Variants in CHKA observed in about 807,000 individuals in gnomAD.
The protein encoded by CHKA is CHETK-alpha.
A neutral mutation model predicts 60.1 loss-of-function variants in CHKA; 34 were observed. The observed-to-expected ratio is 0.57, with a 90% CI of 0.43 to 0.75. CHKA has a LOEUF of 0.75. CHKA is among the 30% of genes least tolerant of loss of function. The pLI is 0.00. For missense variants in CHKA, 563 were observed against 561.3 expected (o/e 1.00, Z -0.03); for synonymous variants, 217 against 223.1 (o/e 0.97, Z 0.24).
intron 11 of CHKA, among the ~76,000 whole-genome samples, chr11:68,058,398 G>A (rs181782258): frequency 1.3e-5 from 2 of 152,322 alleles, no homozygotes; most frequent in African/African-American, 4.8e-5. Context: ...TGTGGGGAAT[G>A]TACAGGTCAG....
chr11:68,087,658 T>G (rs1411569672), intron 2 of CHKA, among the ~76,000 whole-genome samples: 1 of 152,018 alleles, frequency 6.6e-6, no homozygotes, highest in African/African-American at 2.4e-5. Context: ...AAAAGAAAAT[T>G]AAGAAACATG....
intron 1 of CHKA, among the ~76,000 whole-genome samples, chr11:68,119,465 G>A (rs1485394312): frequency 6.6e-6 from 1 of 152,102 alleles, no homozygotes; most frequent in African/African-American, 2.4e-5. Context: ...GAAAATGACG[G>A]AACACGTTCT....
chr11:68,073,069 C>T (rs1181433383), intron 4 of CHKA, among the ~76,000 whole-genome samples: 3 of 152,128 alleles, frequency 2.0e-5, no homozygotes, highest in Non-Finnish European at 4.4e-5. Context: ...AAAATCAGTT[C>T]CACAGATACT....
intron 1 of CHKA, among the ~76,000 whole-genome samples, chr11:68,101,240 G>A (rs112380733): frequency 4.6e-5 from 7 of 152,054 alleles, no homozygotes; most frequent in African/African-American, 1.7e-4. Context: ...GAGCCACCAC[G>A]CTGGTCCAAA....
intron 1 of CHKA, among the ~76,000 whole-genome samples, chr11:68,114,707 A>G (rs1282983924): frequency 6.6e-6 from 1 of 152,018 alleles, no homozygotes; most frequent in Non-Finnish European, 1.5e-5. Context: ...GGGAAAAAAA[A>G]AAAAAAGAAG....
chr11:68,110,491 C>T lies in CHKA; in HGVS notation c.350+10337G>A, dbSNP rs932498667. ...GGAATTTGAAATTAAAAGCACATTA[C>T]CATTTATATGAGCACCCCCAAAAAT... On this transcript the variant is annotated intron_variant, in intron 1 of 11. Transcript: ENST00000265689. 6.6e-5 allele frequency among the ~76,000 whole-genome samples: 10 copies of T among 152,040 alleles called. No individual in the cohort carries two copies. In the East Asian group the frequency reaches 1.3e-3, roughly 20 times the overall value.
In CHKA at chr11:68,055,314, C is replaced by CG. The variant is rs1306903378; in HGVS notation, c.1315-1268dup. Among the ~76,000 whole-genome samples, 5 of 152,224 alleles carry CG rather than the reference C, an allele frequency of 3.3e-5. No homozygotes were observed. The South Asian group carries it at 1.0e-3, about 32-fold the overall frequency. On this transcript the variant is annotated intron_variant, in intron 11 of 11. Coordinates refer to ENST00000265689, the MANE Select transcript of CHKA (RefSeq NM_001277.3). ...CTGAGGCAGGAGAATTGCTTGAACC[C>CG]GGGAGGCGGAGGTTGCAGTGAGCCA...
At chr11:68,054,187 C>T in intron 11 of CHKA, 140 bp from the exon 12 acceptor site, 1 of 677,558 alleles carries the variant, frequency 1.5e-6, no homozygotes, top group East Asian at 2.8e-5. Context: ...GCCTGTGCAG[C>T]AGGGCTGCTC....
intron 1 of CHKA, 45 bp downstream of exon 1, chr11:68,120,783 G>A (rs1334359571): frequency 1.7e-6 from 1 of 586,194 alleles, no homozygotes; most frequent in Non-Finnish European, 2.2e-6. Flanking sequence ...GCCCCGCCCC[G>A]CGTCACCTGA....
At chr11:68,067,143 C>G (rs1034702260) in intron 7 of CHKA, among the ~76,000 whole-genome samples, 2 of 152,166 alleles carry the variant, frequency 1.3e-5, no homozygotes, top group African/African-American at 4.8e-5. Context: ...CCTGAGATCC[C>G]CACACTCGAC....
At chr11:68,083,495 T>G (rs913387124) in intron 2 of CHKA, among the ~76,000 whole-genome samples, 4 of 152,210 alleles carry the variant, frequency 2.6e-5, no homozygotes, top group Non-Finnish European at 5.9e-5. Flanking sequence ...TCTAAATGAC[T>G]ATGGTTATTC....
intron 2 of CHKA, among the ~76,000 whole-genome samples, chr11:68,094,218 G>A (rs1046204881): frequency 3.3e-5 from 5 of 152,180 alleles, no homozygotes; most frequent in Non-Finnish European, 7.3e-5. Context: ...GTTGCAGAAC[G>A]TAAACAGTCC....
At position 68,113,081 on chromosome 11, in the gene CHKA, CAAAAAAAAAAAAAA is replaced by C. The variant is rs71040587; in HGVS notation, c.350+7733_350+7746del. On this transcript the variant is annotated intron_variant, in intron 1 of 11. Transcript: ENST00000265689. Reference sequence around the variant, plus strand: ...TGGGCAACAGAGCAAGACTCCGTCTCAAAAAAAAAAAAAAAAAAAAAAAAAAAAAGAAGCTGTGG... The same window carrying C: ...TGGGCAACAGAGCAAGACTCCGTCTCAAAAAAAAAAAAAAAGAAGCTGTGG... Among the ~76,000 whole-genome samples the C allele has an allele frequency of 2.3e-3, 33 of 14,552 alleles. 1 individual carries two copies. The highest frequency in any genetic ancestry group is 6.3e-3 in the South Asian group (2 of 318). The allele number at this position is 14,552 out of a possible 152,430, so 9.5% of individuals were successfully genotyped here.
At chr11:68,086,585 G>C (rs1182401959) in intron 2 of CHKA, among the ~76,000 whole-genome samples, 1 of 152,214 alleles carries the variant, frequency 6.6e-6, no homozygotes, top group African/African-American at 2.4e-5. Flanking sequence ...AGCCCCATTT[G>C]GGAGATGAAA....
At chr11:68,109,111 A>T in intron 1 of CHKA, among the ~76,000 whole-genome samples, 2 of 125,734 alleles carry the variant, frequency 1.6e-5, no homozygotes. Context: ...TTTTTTTGAG[A>T]CAGAGTCTCG....
intron 3 of CHKA, among the ~76,000 whole-genome samples, chr11:68,078,439 G>A (rs967321869): frequency 6.6e-6 from 1 of 152,138 alleles, no homozygotes; most frequent in Non-Finnish European, 1.5e-5. Context: ...TATGGAACCT[G>A]TTGGTGACAA....
rs772640018 is a variant in CHKA at position 68,120,905 on chromosome 11, G to C, written c.273C>G (p.Ala91=). 3.2e-6 allele frequency: 4 copies of C among 1,245,428 alleles called. No homozygotes were observed. The highest frequency in any genetic ancestry group is 4.1e-6 in the Non-Finnish European group (4 of 985,034). 77.1% of individuals were successfully genotyped at this position (1,245,428 alleles called of 1,614,324 possible). A position where few individuals can be genotyped will look rare whatever the true frequency, so the allele number is the denominator to read the frequency against. ...GCAGGAACTCCTTGCACCACAGATA[G>C]GCCCTGCGCCGCGTCCGGGGCTCCG... ...EQPEPRTRRR[A]YLWCKEFLPG... Residue 91 remains alanine (A), a synonymous_variant, in exon 1 of 12, where the codon GCC becomes GCG. Coordinates refer to ENST00000265689, the MANE Select transcript of CHKA (RefSeq NM_001277.3).
chr11:68,092,967 C>T (rs200353057), intron 2 of CHKA, among the ~76,000 whole-genome samples: 4 of 150,776 alleles, frequency 2.7e-5, no homozygotes, highest in African/African-American at 4.9e-5. Context: ...GCTTATTATC[C>T]GTATAGAAAA....
chr11:68,070,850 C>T lies in CHKA; in HGVS notation c.638G>A (p.Arg213Gln). The change falls in exon 5 of 12, where the codon CGA (arginine) becomes CAA (glutamine). Residue 213 changes from arginine (R) to glutamine (Q), a missense_variant. Arg to Gln is a conservative substitution (Grantham distance 43, BLOSUM62 1). Transcript: ENST00000265689. ...GRLEQFIPSR[R>Q]LDTEELSLPD... is the part of the protein sequence containing the mutation. ...CAAACTTAATTCTTCAGTATCTAAT[C>T]GCCGGCTCTGAAAAAGAAAAGGGAG... The T allele has an allele frequency of 3.7e-6, 6 of 1,606,890 alleles. No homozygotes were observed. Among genetic ancestry groups the T allele is most frequent in the Non-Finnish European group, 4.3e-6 (5 of 1,175,242 alleles).
Sources: gnomAD v4.1 joint callset for allele counts (sites outside exome capture counted in the v4.1 genomes callset) on GRCh38, gnomAD v4.1.1 for gene constraint, MANE v1.5 for transcripts, NCBI Gene and HGNC (gene_info 2026-07-23, HGNC 2026-07-21) for gene names.